Variants in ACOXL observed in about 807,000 individuals in gnomAD.
ACOXL encodes acyl-CoA oxidase like.
A neutral mutation model predicts 71.9 loss-of-function variants in ACOXL; 70 were observed. That is an observed-to-expected ratio of 0.97 (90% CI 0.80 to 1.19). ACOXL has a LOEUF of 1.19. Ranked by LOEUF, ACOXL falls within the 50% of genes most tolerant of loss-of-function variation. The pLI is 0.00. For synonymous variants in ACOXL, 253 were observed against 281.6 expected, an observed-to-expected ratio of 0.90 and a Z score of 1.02; for missense variants, 703 against 736.3, an observed-to-expected ratio of 0.95 and a Z score of 0.52.
chr2:110,987,255 G>T (rs1321779370), intron 13 of ACOXL, 38 bp downstream of exon 13: 2 of 1,528,776 alleles, frequency 1.3e-6, no homozygotes, highest in South Asian at 1.2e-5. Flanking sequence ...TGCCTTCAGT[G>T]GGTTATCATG....
intron 2 of ACOXL, among the ~76,000 whole-genome samples, chr2:110,773,439 C>T (rs1267302400): frequency 1.3e-5 from 2 of 152,194 alleles, no homozygotes; most frequent in African/African-American, 4.8e-5. Flanking sequence ...CAGGAATCTG[C>T]CAAGAGGCTG....
In ACOXL at chr2:110,794,167, C is replaced by A; in HGVS notation, c.338C>A (p.Ser113Tyr). ...GIQTEATFDLSAQEFVIDTPC... is the reference protein window; with the variant it reads ...GIQTEATFDLYAQEFVIDTPC... ...CAGACCGAAGCCACCTTTGACCTCTCTGCCCAGGTGAGGAATCCATCCTTC... is the reference window on the plus strand; with the variant it reads ...CAGACCGAAGCCACCTTTGACCTCTATGCCCAGGTGAGGAATCCATCCTTC... Residue 113 changes from serine (S) to tyrosine (Y), a missense_variant, in exon 5 of 18, where the codon TCT becomes TAT. Transcript: ENST00000439055. 2 of 1,614,172 alleles carry A rather than the reference C, an allele frequency of 1.2e-6. No homozygotes were observed. Among genetic ancestry groups the A allele is most frequent in the South Asian group, 2.2e-5 (2 of 91,074 alleles).
rs779998004 is a variant in ACOXL at position 110,933,563 on chromosome 2, TG to T, written c.982del (p.Val328TrpfsTer4). ...GTCAACAGTCGCTCGCTGCAGGCTC[TG>T]GTGGCGGGGCTGAAGGCCTACAGCA... ...ELVNSRSLQA[L>X]VAGLKAYSTW... On this transcript the variant is annotated frameshift_variant, in exon 12 of 18. Coordinates refer to ENST00000439055, the MANE Select transcript of ACOXL (RefSeq NM_001142807.4). LOFTEE classifies it high-confidence loss of function. 3.1e-6 allele frequency: 5 copies of T among 1,614,058 alleles called. No individual in the cohort carries two copies. Among genetic ancestry groups the T allele is most frequent in the Middle Eastern group, 1.7e-4 (1 of 6,052 alleles).
chr2:110,883,448 G>A (rs895529462), intron 10 of ACOXL, among the ~76,000 whole-genome samples: 5 of 152,096 alleles, frequency 3.3e-5, no homozygotes, highest in Non-Finnish European at 5.9e-5. Context: ...TAAACTCAGG[G>A]CACACATTTG....
At chr2:110,744,547 C>T (rs932590222) in intron 1 of ACOXL, among the ~76,000 whole-genome samples, 7 of 152,120 alleles carry the variant, frequency 4.6e-5, no homozygotes, top group African/African-American at 1.7e-4. Flanking sequence ...AGCACTTGTC[C>T]TTACTTCACG....
At chr2:110,803,647 C>G (rs138306245) in intron 8 of ACOXL, among the ~76,000 whole-genome samples, 13 of 152,130 alleles carry the variant, frequency 8.5e-5, no homozygotes, top group African/African-American at 3.1e-4. Flanking sequence ...GCACAACTAA[C>G]CAAAGAAAAA....
rs1026640415 is a variant in ACOXL, at chr2:111,097,426, T to G, written c.1542+4460T>G. On this transcript the variant is annotated intron_variant, in intron 17 of 17. Transcript: ENST00000439055. ...ACTCCTATCTCTCTGACTGCAAACATTTTCATTTATTTTATCTGGATAAAA... is the reference window on the plus strand; with the variant it reads ...ACTCCTATCTCTCTGACTGCAAACAGTTTCATTTATTTTATCTGGATAAAA... 6.2e-4 allele frequency among the ~76,000 whole-genome samples: 95 copies of G among 152,202 alleles called. 8 individuals carry two copies. The highest frequency in any genetic ancestry group is 2.4e-5 in the African/African-American group (1 of 41,446).
intron 3 of ACOXL, among the ~76,000 whole-genome samples, chr2:110,786,864 G>A (rs574563532): frequency 1.5e-4 from 23 of 152,208 alleles, no homozygotes; most frequent in Non-Finnish European, 3.1e-4. Context: ...GAAAAATTAT[G>A]TATCAGTTGG....
chr2:110,979,357 G>T (rs1420779948), intron 12 of ACOXL, among the ~76,000 whole-genome samples: 1 of 152,156 alleles, frequency 6.6e-6, no homozygotes, highest in African/African-American at 2.4e-5. Flanking sequence ...TATCTCATCA[G>T]TGTCTCAAAA....
rs138885764 is a variant in ACOXL, at chr2:110,771,504, A to G, written c.75+3040A>G. On this transcript the variant is annotated intron_variant, in intron 2 of 17. Coordinates refer to ENST00000439055, the MANE Select transcript of ACOXL (RefSeq NM_001142807.4). ...ATGATGATGTTCTAGGGGACAAATA[A>G]GAAGGGAGTCTCATTCACTCCAGGT... Among the ~76,000 whole-genome samples the G allele has an allele frequency of 2.0e-4, 30 of 152,350 alleles. No homozygotes were observed. In the East Asian group the frequency reaches 5.6e-3, roughly 28 times the overall value.
At chr2:110,891,065 T>TTTG in intron 10 of ACOXL, among the ~76,000 whole-genome samples, 1 of 152,286 alleles carries the variant, frequency 6.6e-6, no homozygotes, top group South Asian at 2.1e-4. Flanking sequence ...TTTTAATTTT[T>TTTG]GGATTGTTCA....
intron 10 of ACOXL, among the ~76,000 whole-genome samples, chr2:110,903,460 C>T (rs1006456389): frequency 6.6e-6 from 1 of 152,206 alleles, no homozygotes; most frequent in Non-Finnish European, 1.5e-5. Flanking sequence ...CAGCACTCTG[C>T]GAGCCCGGCT....
chr2:110,803,526 TG>T (rs1469053011), intron 8 of ACOXL, among the ~76,000 whole-genome samples: 2 of 151,926 alleles, frequency 1.3e-5, no homozygotes, highest in Non-Finnish European at 2.9e-5. Flanking sequence ...CAACTCAAAA[TG>T]GATCACAGAC....
intron 17 of ACOXL, among the ~76,000 whole-genome samples, chr2:111,110,558 A>G (rs1350882920): frequency 2.0e-5 from 3 of 152,164 alleles, no homozygotes; most frequent in Admixed American, 1.3e-4. Context: ...AGTTCTTCCC[A>G]ATTCCAGTCC....
intron 1 of ACOXL, among the ~76,000 whole-genome samples, chr2:110,754,031 C>T (rs1478495546): frequency 2.1e-5 from 3 of 141,202 alleles, no homozygotes; most frequent in Admixed American, 7.1e-5. Flanking sequence ...CACATGCACA[C>T]GTGTGTGTGT....
chr2:110,767,355 G>A (rs770145729), intron 1 of ACOXL, among the ~76,000 whole-genome samples: 8 of 152,188 alleles, frequency 5.3e-5, no homozygotes, highest in Non-Finnish European at 1.0e-4. Flanking sequence ...TTGGTGGGGA[G>A]AACCCTCAGA....
chr2:110,860,026 C>G (rs750640528), intron 10 of ACOXL, among the ~76,000 whole-genome samples: 1 of 152,190 alleles, frequency 6.6e-6, no homozygotes, highest in South Asian at 2.1e-4. Context: ...CTATCTGTGA[C>G]TTTGCAGCAC....
At chr2:110,920,447 G>T (rs1277626606) in intron 11 of ACOXL, among the ~76,000 whole-genome samples, 1 of 152,066 alleles carries the variant, frequency 6.6e-6, no homozygotes, top group Non-Finnish European at 1.5e-5. Context: ...ATTGTTGAGT[G>T]CAAGAGTTCT....
intron 11 of ACOXL, among the ~76,000 whole-genome samples, chr2:110,910,249 C>T (rs1471634062): frequency 1.3e-5 from 2 of 152,118 alleles, no homozygotes; most frequent in Non-Finnish European, 2.9e-5. Context: ...CATATGTATT[C>T]TTTAGTGTCC....
Sources: allele counts gnomAD v4.1 joint callset (sites outside exome capture counted in the v4.1 genomes callset), GRCh38; gene constraint gnomAD v4.1.1; transcripts MANE v1.5; gene names NCBI Gene and HGNC (gene_info 2026-07-23, HGNC 2026-07-21).